The following RRAGD variants were observed in gnomAD, a reference collection of about 807,000 sequenced individuals.
RRAGD encodes Ras related GTP binding D, also known as ras-related GTP-binding protein D.
Under a neutral mutation model 35.5 loss-of-function variants are expected in RRAGD, and 12 were observed. The ratio of observed to expected loss-of-function variants is 0.34; its 90% CI spans 0.22 to 0.55. The LOEUF (loss-of-function observed/expected upper bound fraction) is 0.55, where lower values mean the gene tolerates loss of function less well. Among genes scored for constraint, RRAGD ranks in the 20% least tolerant of loss-of-function variants. The probability of loss-of-function intolerance (pLI) is 0.91; values close to 1 mark genes in which losing one functional copy is unlikely to be tolerated. For missense variants in RRAGD, 324 were observed against 490.1 expected (o/e 0.66, Z 3.20); for synonymous variants, 155 against 178.9 (o/e 0.87, Z 1.07).
intron 1 of RRAGD, among the ~76,000 whole-genome samples, chr6:89,402,602 G>T (rs1406991044): frequency 6.6e-6 from 1 of 152,128 alleles, no homozygotes; most frequent in African/African-American, 2.4e-5. Context: ...AAGGTTAGGG[G>T]CTTCCTAACC....
rs2127890847 is a variant in RRAGD, at chr6:89,387,562, A to G, written c.177T>C (p.Thr59=). Residue 59 remains threonine, a synonymous_variant, in exon 2 of 7, where the codon ACT becomes ACC. Coordinates refer to ENST00000369415, the MANE Select transcript of RRAGD (RefSeq NM_021244.5). ...TGAGCAGGATTCTCGGCTTCACTTC[A>G]GTGCTGAAGGGGTCACTGAAGTCCA... ...GVLDFSDPFS[T]EVKPRILLMG... is the part of the protein sequence containing the mutation. The G allele has an allele frequency of 1.2e-6, 2 of 1,614,000 alleles. No individual in the cohort carries two copies. Among genetic ancestry groups the G allele is most frequent in the South Asian group, 1.1e-5 (1 of 91,078 alleles).
rs766767163 is a variant in RRAGD, at chr6:89,379,206, G to T, written c.759+18C>A. On this transcript the variant is annotated intron_variant, in intron 4 of 6. Coordinates refer to ENST00000369415, the MANE Select transcript of RRAGD (RefSeq NM_021244.5). The stretch of plus-strand genomic sequence containing the variant: ...TCAAATTCTACAAGTGACTCAAACA[G>T]GAATATTATTTACTTACTGAGATAA... 1 of 1,281,534 alleles carries T rather than the reference G, an allele frequency of 7.8e-7. No homozygotes were observed. Among genetic ancestry groups the T allele is most frequent in the Non-Finnish European group, 1.1e-6 (1 of 894,590 alleles). 79.4% of individuals were successfully genotyped at this position (1,281,534 alleles called of 1,614,324 possible). A position where few individuals can be genotyped will look rare whatever the true frequency, so the allele number is the denominator to read the frequency against.
In RRAGD at chr6:89,411,965, G is replaced by T. The variant is rs962500423; in HGVS notation, c.29C>A (p.Pro10Gln). 6.5e-7 allele frequency: 1 copy of T among 1,537,036 alleles called. No individual in the cohort carries two copies. Among genetic ancestry groups the T allele is most frequent in the Non-Finnish European group, 8.7e-7 (1 of 1,145,992 alleles). MSQVLGKPQ[P>Q]QDEDDAEEEE... The stretch of plus-strand genomic sequence containing the variant: ...CTCCTCCGCGTCGTCCTCGTCCTGC[G>T]GCTGCGGCTTCCCCAGCACCTGGCT... Residue 10 changes from proline (P) to glutamine (Q), a missense_variant, in exon 1 of 7, where the codon CCG becomes CAG. Physicochemically the swap from Pro to Gln is moderately conservative, Grantham distance 76. Around this residue, in one of 5 missense-constraint regions of RRAGD, gnomAD observed 96 missense variants for 78.7 expected, o/e 1.22. Transcript: ENST00000369415. This position sits in a 1 kb window ranked among gnomAD's most constrained non-coding sequence, Gnocchi z 5.6.
At chr6:89,404,781 G>A (rs1365190604) in intron 1 of RRAGD, among the ~76,000 whole-genome samples, 1 of 152,176 alleles carries the variant, frequency 6.6e-6, no homozygotes, top group African/African-American at 2.4e-5. Context: ...TGGGGACCCT[G>A]CCTGACTGAT....
intron 5 of RRAGD, among the ~76,000 whole-genome samples, chr6:89,375,969 T>C (rs1338625681): frequency 3.9e-5 from 6 of 152,366 alleles, no homozygotes; most frequent in South Asian, 4.1e-4. Flanking sequence ...ATAATGATCA[T>C]GCACATTGTT....
intron 5 of RRAGD, among the ~76,000 whole-genome samples, chr6:89,373,614 T>C (rs1768888266): frequency 7.4e-6 from 1 of 134,268 alleles, no homozygotes; most frequent in African/African-American, 3.0e-5. Context: ...CAGGACTCCG[T>C]CTCAAAAAAA....
chr6:89,400,936 T>C (rs914309320), intron 1 of RRAGD, among the ~76,000 whole-genome samples: 2 of 152,176 alleles, frequency 1.3e-5, no homozygotes, highest in African/African-American at 4.8e-5. Flanking sequence ...TTTGTTCTAA[T>C]TTCAGGAAGG....
chr6:89,371,414 G>A (rs1268773618), intron 6 of RRAGD, among the ~76,000 whole-genome samples: 1 of 152,004 alleles, frequency 6.6e-6, no homozygotes, highest in Non-Finnish European at 1.5e-5. Context: ...ACTTGGGCCC[G>A]GGTGGTCAAA....
At chr6:89,403,263 G>A (rs1366907583) in intron 1 of RRAGD, among the ~76,000 whole-genome samples, 3 of 152,154 alleles carry the variant, frequency 2.0e-5, no homozygotes, top group Non-Finnish European at 2.9e-5. Context: ...GGCTAACACG[G>A]TGAAACCCCG....
intron 1 of RRAGD, among the ~76,000 whole-genome samples, chr6:89,399,245 T>C (rs929465701): frequency 3.3e-5 from 5 of 152,216 alleles, no homozygotes; most frequent in Non-Finnish European, 7.3e-5. Context: ...GGAGGGAGTA[T>C]GTATGCATGT....
chr6:89,405,960 C>T (rs761017946), intron 1 of RRAGD, among the ~76,000 whole-genome samples: 2 of 152,068 alleles, frequency 1.3e-5, no homozygotes, highest in East Asian at 1.9e-4. Context: ...GCAAAAATCA[C>T]GAAGATTCAC....
In RRAGD at chr6:89,386,351, C is replaced by T. The variant is rs144962781; in HGVS notation, c.444+944G>A. 9.8e-3 allele frequency among the ~76,000 whole-genome samples: 1,493 copies of T among 152,244 alleles called. 10 individuals are homozygous for T. Among genetic ancestry groups the T allele is most frequent in the Admixed American group, 0.014 (214 of 15,280 alleles). On this transcript the variant is annotated intron_variant, in intron 2 of 6. Transcript: ENST00000369415. ...CTTTGCCTCCCCTTTACACCAACTA[C>T]AGCAGAAAAGCCTCAGGATGTAAAA...
intron 1 of RRAGD, among the ~76,000 whole-genome samples, chr6:89,392,514 G>T: frequency 1.3e-5 from 2 of 150,550 alleles, no homozygotes. Flanking sequence ...ATATAGAGAT[G>T]TATATACATT....
chr6:89,376,395 A>G (rs2127886198), intron 5 of RRAGD, among the ~76,000 whole-genome samples: 1 of 151,934 alleles, frequency 6.6e-6, no homozygotes, highest in African/African-American at 2.4e-5. Context: ...TAAGCAATGG[A>G]AGAGAAAAAT....
intron 1 of RRAGD, among the ~76,000 whole-genome samples, chr6:89,403,168 G>C (rs1252727620): frequency 6.6e-6 from 1 of 152,190 alleles, no homozygotes; most frequent in Non-Finnish European, 1.5e-5. Flanking sequence ...TCGGCCGGGC[G>C]CGGTGGCTCA....
Position 89,387,375 on chromosome 6 carries a change from T to C in RRAGD, c.364A>G (p.Ile122Val), listed in dbSNP as rs368678514. The C allele has an allele frequency of 3.1e-6, 5 of 1,614,170 alleles. No individual in the cohort carries two copies. Among genetic ancestry groups the C allele is most frequent in the Non-Finnish European group, 4.2e-6 (5 of 1,180,018 alleles). ...TCAAATGTAGGGTCAAAAAAGTCAATCTGTCCTGGGAAGTCCCAAATCTGA... is the reference window on the plus strand; with the variant it reads ...TCAAATGTAGGGTCAAAAAAGTCAACCTGTCCTGGGAAGTCCCAAATCTGA... ...NFQIWDFPGQ[I>V]DFFDPTFDYE... The change falls in exon 2 of 7, where the codon ATT becomes GTT. Residue 122 changes from isoleucine to valine, a missense_variant. This residue lies in a region of RRAGD where 152 missense variants were observed against 296.9 expected (regional missense o/e 0.51). Transcript: ENST00000369415.
chr6:89,380,507 T>C (rs939900878), intron 2 of RRAGD, 140 bp from the exon 3 acceptor site: 5 of 663,194 alleles, frequency 7.5e-6, no homozygotes, highest in Non-Finnish European at 1.3e-5. Context: ...TGGCTTCTTA[T>C]AATTCCAGTG....
Position 89,380,191 on chromosome 6 carries a change from A to T in RRAGD, c.621T>A (p.Ala207=). Residue 207 remains alanine, a synonymous_variant, in exon 3 of 7, where the codon GCT becomes GCA. Coordinates refer to ENST00000369415, the MANE Select transcript of RRAGD (RefSeq NM_021244.5). ...HQRANDDLAD[A]GLEKIHLSFY... is the part of the protein sequence containing the mutation. The stretch of plus-strand genomic sequence containing the variant: ...ACCTGAGGTGAATTTTTTCTAATCC[A>T]GCATCTGCAAGGTCATCGTTTGCCC... 1.9e-6 allele frequency: 3 copies of T among 1,614,236 alleles called. No homozygotes were observed. Among genetic ancestry groups the T allele is most frequent in the Non-Finnish European group, 8.5e-7 (1 of 1,180,030 alleles).
chr6:89,387,239 G>T, intron 2 of RRAGD, 56 bp downstream of exon 2: 1 of 1,533,942 alleles, frequency 6.5e-7, no homozygotes, highest in Non-Finnish European at 8.9e-7. Flanking sequence ...CAAAAACATG[G>T]GGTGGGGTGG....
Sources: allele counts gnomAD v4.1 joint callset (sites outside exome capture counted in the v4.1 genomes callset), GRCh38; gene constraint gnomAD v4.1.1; regional missense constraint gnomAD v4.1.1; non-coding constraint Gnocchi (gnomAD v3.1); transcripts MANE v1.5; gene names NCBI Gene and HGNC (gene_info 2026-07-23, HGNC 2026-07-21).